Variants in PCCA observed in about 807,000 individuals in gnomAD.
The protein encoded by PCCA is propionyl-CoA carboxylase alpha chain, mitochondrial.
Under a neutral mutation model 101.3 loss-of-function variants are expected in PCCA, and 74 were observed. That is an observed-to-expected ratio of 0.73 (90% CI 0.61 to 0.89). PCCA has a LOEUF of 0.89. Ranked by LOEUF, PCCA falls within the 40% of genes least tolerant of loss-of-function variation. PCCA has a pLI of 0.00. For synonymous variants in PCCA, 294 were observed against 313.6 expected (o/e 0.94, Z 0.66); for missense variants, 891 against 907.0 (o/e 0.98, Z 0.23).
At chr13:100,249,608 C>T (rs745670622) in intron 8 of PCCA, among the ~76,000 whole-genome samples, 19 of 152,122 alleles carry the variant, frequency 1.2e-4, no homozygotes, top group Non-Finnish European at 2.4e-4. Flanking sequence ...TGGATATCTA[C>T]AAAATAAATT....
intron 6 of PCCA, among the ~76,000 whole-genome samples, chr13:100,171,648 G>C (rs1381292935): frequency 6.6e-6 from 1 of 152,170 alleles, no homozygotes; most frequent in African/African-American, 2.4e-5. Flanking sequence ...TAGCAGTTCG[G>C]GAGGCTGAAG....
chr13:100,483,222 T>C (rs959108254), intron 21 of PCCA, among the ~76,000 whole-genome samples: 2 of 152,138 alleles, frequency 1.3e-5, no homozygotes, highest in Admixed American at 1.3e-4. Flanking sequence ...CATCTAAGTC[T>C]TTCTATTAGG....
At chr13:100,469,631 C>G (rs551847189) in intron 21 of PCCA, among the ~76,000 whole-genome samples, 1 of 151,892 alleles carries the variant, frequency 6.6e-6, no homozygotes, top group East Asian at 1.9e-4. Context: ...ACAGTATTAG[C>G]TGGGCGTGGT....
At chr13:100,408,984 G>T (rs1443806372) in intron 19 of PCCA, among the ~76,000 whole-genome samples, 1 of 152,164 alleles carries the variant, frequency 6.6e-6, no homozygotes, top group Non-Finnish European at 1.5e-5. Context: ...CTGTCCGATG[G>T]AGTTGAAACC....
intron 2 of PCCA, among the ~76,000 whole-genome samples, chr13:100,105,919 G>T (rs1180770660): frequency 6.7e-6 from 1 of 149,516 alleles, no homozygotes; most frequent in Non-Finnish European, 1.5e-5. Flanking sequence ...CATTGAGGAA[G>T]TTTGTGGTAT....
intron 19 of PCCA, among the ~76,000 whole-genome samples, chr13:100,379,635 G>A (rs1307018595): frequency 1.3e-5 from 2 of 152,104 alleles, no homozygotes; most frequent in Non-Finnish European, 2.9e-5. Context: ...TGGCTGGGGA[G>A]GCCTCATAAT....
At chr13:100,269,311 T>C (rs1357346865) in intron 11 of PCCA, among the ~76,000 whole-genome samples, 1 of 152,202 alleles carries the variant, frequency 6.6e-6, no homozygotes, top group Non-Finnish European at 1.5e-5. Context: ...GGGTTTTTAT[T>C]AGAGGAGAAA....
At chr13:100,145,942 C>CT (rs369326970) in intron 4 of PCCA, among the ~76,000 whole-genome samples, 72 of 138,950 alleles carry the variant, frequency 5.2e-4, no homozygotes, top group Admixed American at 5.7e-4. Context: ...GATAGTTTTG[C>CT]TTTTTTTTTT....
At chr13:100,494,413 G>A (rs1010259331) in intron 21 of PCCA, among the ~76,000 whole-genome samples, 2 of 152,212 alleles carry the variant, frequency 1.3e-5, no homozygotes, top group Non-Finnish European at 1.5e-5. Context: ...GCCGGGTACG[G>A]TGGCTCACGC....
At chr13:100,432,146 A>AAAATAAAT (rs59813518) in intron 20 of PCCA, among the ~76,000 whole-genome samples, 113 of 150,980 alleles carry the variant, frequency 7.5e-4, no homozygotes, top group East Asian at 5.4e-3. Context: ...CTCCATCTCA[A>AAAATAAAT]AAATAAATAA....
intron 7 of PCCA, among the ~76,000 whole-genome samples, chr13:100,224,586 C>T (rs934047513): frequency 6.6e-5 from 10 of 152,226 alleles, no homozygotes; most frequent in African/African-American, 1.9e-4. Flanking sequence ...ACTGCCAGCA[C>T]GCTGTCACCT....
intron 21 of PCCA, among the ~76,000 whole-genome samples, chr13:100,451,352 G>A (rs1278230166): frequency 6.6e-6 from 1 of 152,100 alleles, no homozygotes; most frequent in Non-Finnish European, 1.5e-5. Context: ...TAAGTTATTA[G>A]CAATAGATAA....
At chr13:100,481,456 G>A (rs554873423) in intron 21 of PCCA, among the ~76,000 whole-genome samples, 1 of 152,294 alleles carries the variant, frequency 6.6e-6, no homozygotes, top group Admixed American at 6.5e-5. Context: ...TACTCGGCAG[G>A]CTGAGGTGGG....
At chr13:100,409,322 GT>G (rs747990835) in intron 19 of PCCA, among the ~76,000 whole-genome samples, 5 of 152,144 alleles carry the variant, frequency 3.3e-5, no homozygotes, top group Non-Finnish European at 5.9e-5. Flanking sequence ...GCCAAAAATG[GT>G]TCCTGGACTT....
chr13:100,280,855 C>G (rs915462978), intron 12 of PCCA, among the ~76,000 whole-genome samples: 1 of 152,180 alleles, frequency 6.6e-6, no homozygotes, highest in Non-Finnish European at 1.5e-5. Context: ...TGGATCCTCT[C>G]TTTGTCTGGC....
chr13:100,282,645 A>G (rs529776195), intron 12 of PCCA, among the ~76,000 whole-genome samples: 227 of 152,336 alleles, frequency 1.5e-3, no homozygotes, highest in African/African-American at 5.1e-3. Flanking sequence ...CTTGGCCCCA[A>G]TATTTTCTCT....
At chr13:100,241,784 T>C (rs896213536) in intron 8 of PCCA, among the ~76,000 whole-genome samples, 6 of 152,208 alleles carry the variant, frequency 3.9e-5, no homozygotes, top group African/African-American at 1.4e-4. Context: ...TATTCATCTA[T>C]TGATGGACAT....
chr13:100,368,401 A>T (rs935957486), intron 18 of PCCA, 71 bp from the exon 19 acceptor site: 11 of 876,978 alleles, frequency 1.3e-5, no homozygotes, highest in Non-Finnish European at 1.9e-5. Context: ...ATTTTATATC[A>T]AAGGGAAATT....
At chr13:100,409,052 C>A (rs2077858785) in intron 19 of PCCA, among the ~76,000 whole-genome samples, 1 of 152,104 alleles carries the variant, frequency 6.6e-6, no homozygotes, top group Admixed American at 6.5e-5. Context: ...CAGCCAGCCA[C>A]CCCGGGTGCC....
Sources: gnomAD v4.1 joint callset for allele counts (sites outside exome capture counted in the v4.1 genomes callset) on GRCh38, gnomAD v4.1.1 for gene constraint, MANE v1.5 for transcripts, NCBI Gene and HGNC (gene_info 2026-07-23, HGNC 2026-07-21) for gene names.